The following SRRM4 variants were observed in gnomAD, a reference collection of about 807,000 sequenced individuals.
SRRM4 encodes the protein serine/arginine repetitive matrix protein 4.
A neutral mutation model predicts 68.9 loss-of-function variants in SRRM4; 33 were observed. The observed-to-expected ratio is 0.48, with a 90% CI of 0.36 to 0.64. SRRM4 has a LOEUF of 0.64. SRRM4 is among the 30% of genes least tolerant of loss of function. SRRM4 has a pLI of 0.00. For missense variants in SRRM4, 817 were observed against 827.1 expected (o/e 0.99, Z 0.15); for synonymous variants, 318 against 318.8 (o/e 1.00, Z 0.03).
chr12:119,143,442 A>C (rs1364071578), intron 8 of SRRM4, among the ~76,000 whole-genome samples: 2 of 152,230 alleles, frequency 1.3e-5, no homozygotes, highest in Non-Finnish European at 2.9e-5. Context: ...TAAGTCAGCA[A>C]ACTTAATATG....
intron 1 of SRRM4, among the ~76,000 whole-genome samples, chr12:119,040,691 T>C (rs1260353758): frequency 2.6e-5 from 4 of 152,204 alleles, no homozygotes; most frequent in African/African-American, 9.6e-5. Context: ...TGACTTCTTT[T>C]CTGCAGGGTA....
rs994351297 is a variant in SRRM4, at chr12:118,987,401, G to C, written c.131+5388G>C. Among the ~76,000 whole-genome samples the C allele has an allele frequency of 3.3e-5, 5 of 152,296 alleles. No homozygotes were observed. In the East Asian group the frequency reaches 9.7e-4, roughly 29 times the overall value. On this transcript the variant is annotated intron_variant, in intron 1 of 12. Transcript: ENST00000267260. ...TCAGTAGTGATGCTTGGGTTCTGTG[G>C]ACTGGACTCCTGAGCAGCTCCAATG...
At chr12:119,122,292 C>CAGGA (rs56030105) in intron 6 of SRRM4, among the ~76,000 whole-genome samples, 172 bp downstream of exon 6, 3,144 of 69,384 alleles carry the variant, frequency 0.045, 206 homozygotes, top group South Asian at 0.082. Flanking sequence ...GGCAGGAAGG[C>CAGGA]AGGAAGGAAG....
intron 1 of SRRM4, among the ~76,000 whole-genome samples, chr12:119,099,433 C>T (rs1052643685): frequency 1.1e-4 from 17 of 152,090 alleles, no homozygotes; most frequent in Admixed American, 5.2e-4. Context: ...TATGCCCGGC[C>T]GCTCTTCCTT....
At position 119,122,742 on chromosome 12, in the gene SRRM4, T is replaced by C. The variant is rs529856056; in HGVS notation, c.515+622T>C. 2.7e-3 allele frequency among the ~76,000 whole-genome samples: 407 copies of C among 152,282 alleles called. 2 individuals carry two copies. The highest frequency in any genetic ancestry group is 9.4e-3 in the African/African-American group (389 of 41,552). On this transcript the variant is annotated intron_variant, in intron 6 of 12. Transcript: ENST00000267260. ...TGTGTGTGCGCTGTGTAAGTACCTGTGTATATTTTGTGCACAGGGGTCGTA... is the reference window on the plus strand; with the variant it reads ...TGTGTGTGCGCTGTGTAAGTACCTGCGTATATTTTGTGCACAGGGGTCGTA...
chr12:119,126,014 C>CTTTTTTTTTTTT lies in SRRM4; in HGVS notation c.614+551_614+562dup, dbSNP rs34680171. On this transcript the variant is annotated intron_variant, in intron 7 of 12. Coordinates refer to ENST00000267260, the MANE Select transcript of SRRM4 (RefSeq NM_194286.4). ...AGGAATGACAACACCATACTAGCTG[C>CTTTTTTTTTTTT]TTTTTTTTTTTTTTTTTTTTTTTTT... Among the ~76,000 whole-genome samples, 19 of 71,162 alleles carry CTTTTTTTTTTTT rather than the reference C, an allele frequency of 2.7e-4. 3 individuals are homozygous for CTTTTTTTTTTTT. Among genetic ancestry groups the CTTTTTTTTTTTT allele is most frequent in the African/African-American group, 1.1e-3 (19 of 17,722 alleles). The allele number at this position is 71,162 out of a possible 152,430, so 46.7% of individuals were successfully genotyped here.
chr12:119,066,019 C>T (rs569660811), intron 1 of SRRM4, among the ~76,000 whole-genome samples: 1 of 152,106 alleles, frequency 6.6e-6, no homozygotes, highest in African/African-American at 2.4e-5. Flanking sequence ...TGAAGTCTCG[C>T]CTGACAAAGA....
chr12:118,997,980 G>C (rs1021383903), intron 1 of SRRM4, among the ~76,000 whole-genome samples: 1 of 152,130 alleles, frequency 6.6e-6, no homozygotes, highest in African/African-American at 2.4e-5. Context: ...CACTAACTGT[G>C]TGGAAAAAAT....
rs960031403 is a variant in SRRM4, at chr12:119,103,687, G to A, written c.278+1305G>A. Among the ~76,000 whole-genome samples the A allele has an allele frequency of 3.3e-5, 5 of 152,310 alleles. No individual in the cohort carries two copies. In the East Asian group the frequency reaches 9.7e-4, roughly 29 times the overall value. ...CAGAGGGAGATAAAGAGAGAAGTGA[G>A]AAGGAAGGGAATTTCCCTACTTTTA... On this transcript the variant is annotated intron_variant, in intron 2 of 12. Coordinates refer to ENST00000267260, the MANE Select transcript of SRRM4 (RefSeq NM_194286.4).
Position 119,154,851 on chromosome 12 carries a change from A to G in SRRM4, c.1532+468A>G, listed in dbSNP as rs2136070614. On this transcript the variant is annotated intron_variant, in intron 12 of 12. Coordinates refer to ENST00000267260, the MANE Select transcript of SRRM4 (RefSeq NM_194286.4). The surrounding 1 kb of genome is among the most constrained non-coding windows in gnomAD (Gnocchi z 4.7). ...GTCAGGCTTAAATAAACCTATATGTAATTATACCTTGAACCAAGTGTGGAA... is the reference window on the plus strand; with the variant it reads ...GTCAGGCTTAAATAAACCTATATGTGATTATACCTTGAACCAAGTGTGGAA... Among the ~76,000 whole-genome samples the G allele has an allele frequency of 6.6e-6, 1 of 152,316 alleles. No individual in the cohort carries two copies. The highest frequency in any genetic ancestry group is 2.1e-4 in the South Asian group (1 of 4,828).
chr12:118,994,275 T>C (rs1953335703), intron 1 of SRRM4: 1 of 152,238 alleles, frequency 6.6e-6, no homozygotes, highest in South Asian at 2.1e-4. Context: ...TTATGTCCTA[T>C]TAACAAGCCA....
chr12:119,138,316 C>T (rs996057090), intron 8 of SRRM4, among the ~76,000 whole-genome samples: 2 of 152,192 alleles, frequency 1.3e-5, no homozygotes, highest in African/African-American at 4.8e-5. Flanking sequence ...CATAACTCGG[C>T]TCACCGGTTT....
intron 1 of SRRM4, among the ~76,000 whole-genome samples, chr12:119,027,484 T>C (rs371032165): frequency 3.3e-5 from 5 of 152,318 alleles, no homozygotes; most frequent in South Asian, 4.1e-4. Context: ...AATCTTATCT[T>C]TTAAGATATT....
chr12:119,056,327 C>T (rs892429197), intron 1 of SRRM4, among the ~76,000 whole-genome samples: 6 of 152,204 alleles, frequency 3.9e-5, no homozygotes, highest in African/African-American at 1.4e-4. Context: ...GATGTCACCT[C>T]ATCATTTTAC....
intron 1 of SRRM4, among the ~76,000 whole-genome samples, chr12:119,077,285 G>A (rs943353462): frequency 1.3e-4 from 20 of 152,106 alleles, no homozygotes; most frequent in Non-Finnish European, 2.2e-4. Context: ...GGTCTGATGT[G>A]GGCCCAGAAG....
At chr12:119,059,699 A>T (rs1278344933) in intron 1 of SRRM4, among the ~76,000 whole-genome samples, 1 of 152,230 alleles carries the variant, frequency 6.6e-6, no homozygotes, top group East Asian at 1.9e-4. Flanking sequence ...AGTGGGAGCC[A>T]CAGAAGGTTT....
At chr12:119,155,632 G>A (rs1954466788) in intron 12 of SRRM4, among the ~76,000 whole-genome samples, 1 of 152,208 alleles carries the variant, frequency 6.6e-6, no homozygotes, top group African/African-American at 2.4e-5. Flanking sequence ...TACTTGGGAG[G>A]CTGAGGTGGG....
intron 1 of SRRM4, among the ~76,000 whole-genome samples, chr12:119,064,463 A>C (rs1040692032): frequency 6.6e-6 from 1 of 152,212 alleles, no homozygotes; most frequent in Non-Finnish European, 1.5e-5. Context: ...AAGCCAGAGG[A>C]GTCAGCCAAA....
chr12:119,055,420 A>T (rs957125046), intron 1 of SRRM4, among the ~76,000 whole-genome samples: 6 of 152,042 alleles, frequency 3.9e-5, no homozygotes, highest in African/African-American at 1.4e-4. Flanking sequence ...GGGTTTCCAT[A>T]AGAAGCATAT....
Sources: gnomAD v4.1 joint callset for allele counts (sites outside exome capture counted in the v4.1 genomes callset) on GRCh38, gnomAD v4.1.1 for gene constraint, Gnocchi (gnomAD v3.1) non-coding constraint, MANE v1.5 for transcripts, NCBI Gene and HGNC (gene_info 2026-07-23, HGNC 2026-07-21) for gene names.